Variants in GALNT13 observed in about 807,000 individuals in gnomAD.
The protein encoded by GALNT13 is UDP-GalNAc:polypeptide N-acetylgalactosaminyltransferase 13.
GALNT13 carries 28 observed loss-of-function variants against 64.2 expected under a neutral mutation model. The observed-to-expected ratio is 0.44, with a 90% CI of 0.32 to 0.60. The LOEUF (loss-of-function observed/expected upper bound fraction) is 0.60, where lower values mean the gene tolerates loss of function less well. Among genes scored for constraint, GALNT13 ranks in the 20% least tolerant of loss-of-function variants. The pLI, the probability that GALNT13 is intolerant of heterozygous loss-of-function variation, is 0.05. For synonymous variants in GALNT13, 214 were observed against 224.6 expected (o/e 0.95, Z 0.42); for missense variants, 577 against 669.8 (o/e 0.86, Z 1.53).
the GALNT13 span, among the ~76,000 whole-genome samples, chr2:153,547,829 C>T: frequency 5.9e-5 from 9 of 152,240 alleles, no homozygotes; most frequent in Middle Eastern, 6.8e-3. Context: ...TGACTCCTGG[C>T]TTTTACTCTT....
intron 4 of GALNT13, among the ~76,000 whole-genome samples, chr2:154,185,458 A>G (rs1484567171): frequency 6.6e-6 from 1 of 151,844 alleles, no homozygotes; most frequent in Non-Finnish European, 1.5e-5. Context: ...CTCTTTCTCT[A>G]TCCCTTCCGA....
At chr2:154,314,338 G>A (rs2105140543) in intron 9 of GALNT13, among the ~76,000 whole-genome samples, 1 of 152,286 alleles carries the variant, frequency 6.6e-6, no homozygotes, top group East Asian at 1.9e-4. Flanking sequence ...TGTTATTGGT[G>A]TAGGTGGTTA....
the GALNT13 span, among the ~76,000 whole-genome samples, chr2:153,121,149 T>C: frequency 2.6e-5 from 4 of 152,164 alleles, no homozygotes; most frequent in African/African-American, 9.7e-5. Context: ...AGAGTTTCAT[T>C]TGAGCTGTGT....
chr2:154,088,930 C>T (rs748942529), intron 3 of GALNT13, among the ~76,000 whole-genome samples: 1 of 152,088 alleles, frequency 6.6e-6, no homozygotes, highest in Non-Finnish European at 1.5e-5. Flanking sequence ...GGCTCCTTTG[C>T]AGATAGTTTT....
At chr2:154,264,950 C>T (rs986241859) in intron 8 of GALNT13, among the ~76,000 whole-genome samples, 2 of 150,336 alleles carry the variant, frequency 1.3e-5, no homozygotes, top group African/African-American at 4.9e-5. Flanking sequence ...TAATATTCCA[C>T]ATATATGATA....
chr2:154,241,383 A>G (rs1689482840), intron 4 of GALNT13, among the ~76,000 whole-genome samples: 1 of 152,172 alleles, frequency 6.6e-6, no homozygotes, highest in Admixed American at 6.5e-5. Flanking sequence ...CCTTCCCAGC[A>G]CTTCCATATC....
At chr2:153,654,351 T>C in the GALNT13 span, among the ~76,000 whole-genome samples, 7 of 152,072 alleles carry the variant, frequency 4.6e-5, no homozygotes, top group African/African-American at 1.4e-4. Flanking sequence ...ATAGAAAAAT[T>C]GTATCATGGC....
chr2:153,663,600 AT>A, the GALNT13 span, among the ~76,000 whole-genome samples: 1 of 152,198 alleles, frequency 6.6e-6, no homozygotes, highest in Admixed American at 6.5e-5. Flanking sequence ...ACCTCATCCA[AT>A]TAAAGAATAT....
At chr2:153,334,125 A>C in the GALNT13 span, among the ~76,000 whole-genome samples, 4 of 152,212 alleles carry the variant, frequency 2.6e-5, no homozygotes, top group Non-Finnish European at 5.9e-5. Flanking sequence ...GATATACTGA[A>C]GACATTAACA....
chr2:153,321,112 A>G, the GALNT13 span, among the ~76,000 whole-genome samples: 5 of 152,304 alleles, frequency 3.3e-5, no homozygotes, highest in African/African-American at 1.2e-4. Context: ...GATCTTTCTT[A>G]GTTGCTAAAT....
chr2:153,847,667 TTTG>T, the GALNT13 span, among the ~76,000 whole-genome samples: 1 of 152,004 alleles, frequency 6.6e-6, no homozygotes, highest in Non-Finnish European at 1.5e-5. Flanking sequence ...TAGAAAATAT[TTTG>T]AGTTAAGTGG....
At chr2:154,163,274 A>G in intron 4 of GALNT13, among the ~76,000 whole-genome samples, 1 of 151,814 alleles carries the variant, frequency 6.6e-6, no homozygotes, top group Non-Finnish European at 1.5e-5. Context: ...TAGAGACACA[A>G]AAAACCCTTC....
At chr2:153,594,231 A>C in the GALNT13 span, among the ~76,000 whole-genome samples, 40,077 of 152,022 alleles carry the variant, frequency 0.26, 5,667 homozygotes, top group South Asian at 0.42. Context: ...TCCCATTATA[A>C]GCCACAATTT....
intron 3 of GALNT13, among the ~76,000 whole-genome samples, chr2:154,128,091 C>T (rs928219250): frequency 6.6e-6 from 1 of 151,762 alleles, no homozygotes; most frequent in Non-Finnish European, 1.5e-5. Flanking sequence ...ATAAAAAAGG[C>T]CAGGGTATGT....
At chr2:154,080,093 G>GT (rs1701194951) in intron 3 of GALNT13, among the ~76,000 whole-genome samples, 1 of 151,544 alleles carries the variant, frequency 6.6e-6, no homozygotes, top group Non-Finnish European at 1.5e-5. Flanking sequence ...CAACATTGTT[G>GT]TTAATAGAGT....
chr2:154,245,665 A>G (rs1689741688), intron 6 of GALNT13, 147 bp from the exon 7 acceptor site: 4 of 509,902 alleles, frequency 7.8e-6, no homozygotes, highest in African/African-American at 1.9e-5. Context: ...AAATAATTCC[A>G]TGGACTAATA....
At chr2:153,347,711 T>C in the GALNT13 span, among the ~76,000 whole-genome samples, 54 of 152,256 alleles carry the variant, frequency 3.5e-4, no homozygotes, top group African/African-American at 1.3e-3. Context: ...AAAAACTACT[T>C]AGTGAAAAGA....
At chr2:154,311,924 A>G (rs1171501141) in intron 9 of GALNT13, among the ~76,000 whole-genome samples, 1 of 152,232 alleles carries the variant, frequency 6.6e-6, no homozygotes, top group Non-Finnish European at 1.5e-5. Context: ...GTTTAAGGTT[A>G]TCTCTCTTAT....
chr2:153,110,861 G>A, the GALNT13 span, among the ~76,000 whole-genome samples: 1 of 152,046 alleles, frequency 6.6e-6, no homozygotes, highest in Admixed American at 6.6e-5. Context: ...ATGATCAGTT[G>A]GAGTTTTAGA....
Sources: allele counts gnomAD v4.1 joint callset (sites outside exome capture counted in the v4.1 genomes callset), GRCh38; gene constraint gnomAD v4.1.1; transcripts MANE v1.5; gene names NCBI Gene and HGNC (gene_info 2026-07-23, HGNC 2026-07-21).